Variants in SPATA21 observed in about 807,000 individuals in gnomAD.
SPATA21 encodes spermatogenesis-associated protein 21.
SPATA21 carries 47 observed loss-of-function variants against 54.8 expected under a neutral mutation model. The ratio of observed to expected loss-of-function variants is 0.86; its 90% CI spans 0.68 to 1.09. SPATA21 has a LOEUF of 1.09. Ranked by LOEUF, SPATA21 falls within the 50% of genes least tolerant of loss-of-function variation. The pLI, the probability that SPATA21 is intolerant of heterozygous loss-of-function variation, is 0.00. For synonymous variants in SPATA21, 245 were observed against 235.3 expected (o/e 1.04, Z -0.38); for missense variants, 599 against 596.4 (o/e 1.00, Z -0.05).
chr1:16,426,658 G>A (rs2086333969), intron 3 of SPATA21, among the ~76,000 whole-genome samples: 1 of 143,440 alleles, frequency 7.0e-6, no homozygotes, highest in African/African-American at 2.6e-5. Flanking sequence ...TTGGCTCACT[G>A]CAACCTCTGC....
rs553226509 is a variant in SPATA21 at position 16,429,902 on chromosome 1, C to T, written c.34+1436G>A. ...GAGGCCAGTGGGGCGCAGTGGCTCA[C>T]GCCTGTAATCCTAACATTTTGGGAG... is the stretch of plus-strand genomic sequence containing the variant. On this transcript the variant is annotated intron_variant, in intron 3 of 12. Coordinates refer to ENST00000335496, the MANE Select transcript of SPATA21 (RefSeq NM_198546.1). Among the ~76,000 whole-genome samples, 60 of 151,188 alleles carry T rather than the reference C, an allele frequency of 4.0e-4. 2 individuals are homozygous for T. Among genetic ancestry groups the T allele is most frequent in the Admixed American group, 2.5e-3 (38 of 15,190 alleles).
At chr1:16,405,836 G>A (rs2085623705) in intron 7 of SPATA21, among the ~76,000 whole-genome samples, 1 of 152,208 alleles carries the variant, frequency 6.6e-6, no homozygotes, top group African/African-American at 2.4e-5. Flanking sequence ...AGGTGACCAA[G>A]ATCTAGGGAC....
chr1:16,412,867 G>A (rs903161419), intron 5 of SPATA21, among the ~76,000 whole-genome samples: 2 of 152,054 alleles, frequency 1.3e-5, no homozygotes, highest in African/African-American at 4.8e-5. Flanking sequence ...TTGGCTCACT[G>A]CAACCTCCAG....
intron 1 of SPATA21, among the ~76,000 whole-genome samples, chr1:16,434,014 C>A (rs1307622190): frequency 7.2e-5 from 11 of 152,056 alleles, no homozygotes; most frequent in Admixed American, 7.2e-4. Flanking sequence ...AATCTTCCCA[C>A]CCCAAACCCA....
intron 5 of SPATA21, among the ~76,000 whole-genome samples, chr1:16,413,116 G>T (rs1407466131): frequency 6.6e-6 from 1 of 150,886 alleles, no homozygotes; most frequent in Non-Finnish European, 1.5e-5. Context: ...GTCCTGCTAT[G>T]TTGCCCAGGC....
At chr1:16,417,987 G>A (rs2086062652) in intron 5 of SPATA21, among the ~76,000 whole-genome samples, 1 of 152,194 alleles carries the variant, frequency 6.6e-6, no homozygotes, top group African/African-American at 2.4e-5. Context: ...TCCTCTGAGT[G>A]CCTGCAGGAC....
chr1:16,403,436 G>A (rs917975489), intron 10 of SPATA21, among the ~76,000 whole-genome samples: 4 of 151,580 alleles, frequency 2.6e-5, no homozygotes, highest in African/African-American at 9.7e-5. Context: ...AGTGATTTGA[G>A]CCATACATTC....
chr1:16,419,140 GC>G (rs1481947674), intron 5 of SPATA21, among the ~76,000 whole-genome samples: 12 of 152,214 alleles, frequency 7.9e-5, no homozygotes, highest in African/African-American at 2.9e-4. Context: ...GAGATGGCTG[GC>G]CAGGGAAGGC....
chr1:16,406,605 A>G (rs1341987464), intron 7 of SPATA21, among the ~76,000 whole-genome samples: 1 of 152,084 alleles, frequency 6.6e-6, no homozygotes, highest in Non-Finnish European at 1.5e-5. Context: ...AGCCAGCCAC[A>G]GTGGCACATG....
intron 3 of SPATA21, among the ~76,000 whole-genome samples, chr1:16,430,566 A>G (rs1282203558): frequency 6.6e-6 from 1 of 152,186 alleles, no homozygotes; most frequent in Admixed American, 6.5e-5. Context: ...TCAGGAGAAT[A>G]AAGCTGGGCT....
rs2085427155 is a variant in SPATA21 at position 16,400,902 on chromosome 1, C to T, written c.1002-10G>A. The T allele has an allele frequency of 1.2e-6, 2 of 1,610,006 alleles. No homozygotes were observed. The highest frequency in any genetic ancestry group is 1.3e-5 in the African/African-American group (1 of 74,666). On this transcript the variant is annotated splice_polypyrimidine_tract_variant and intron_variant, in intron 10 of 12. Coordinates refer to ENST00000335496, the MANE Select transcript of SPATA21 (RefSeq NM_198546.1). ...CTTTTTCTGGTAGTAGCTGGGGAGG[C>T]AGTGCCCACCCATCTCAGCCTGGCT...
intron 10 of SPATA21, among the ~76,000 whole-genome samples, chr1:16,402,553 G>C (rs1343213639): frequency 1.3e-5 from 2 of 150,848 alleles, no homozygotes; most frequent in African/African-American, 2.4e-5. Context: ...GAGCCACCAT[G>C]CCTGGCTTTT....
At chr1:16,401,327 C>G (rs2085441066) in intron 10 of SPATA21, among the ~76,000 whole-genome samples, 2 of 152,194 alleles carry the variant, frequency 1.3e-5, no homozygotes, top group African/African-American at 4.8e-5. Context: ...CAGAGTCTCA[C>G]TCTGTTACCC....
intron 12 of SPATA21, among the ~76,000 whole-genome samples, 169 bp downstream of exon 12, chr1:16,399,175 C>T (rs1283404022): frequency 6.6e-6 from 1 of 152,188 alleles, no homozygotes; most frequent in Admixed American, 6.5e-5. Flanking sequence ...GGTACACAGG[C>T]CCTCAACAAA....
intron 11 of SPATA21, 112 bp from the exon 12 acceptor site, chr1:16,399,633 G>C: frequency 8.0e-7 from 1 of 1,256,880 alleles, no homozygotes; most frequent in South Asian, 1.5e-5. Flanking sequence ...GAGTGGTTTG[G>C]GGCAAGTCAC....
In SPATA21 at chr1:16,409,013, C is replaced by A; in HGVS notation, c.673+105G>T. ...CTGCTGGGTCTGCTACACATGGCGGCAGCCATGTGATCTGGAAAGCACCCC... is the reference window on the plus strand; with the variant it reads ...CTGCTGGGTCTGCTACACATGGCGGAAGCCATGTGATCTGGAAAGCACCCC... On this transcript the variant is annotated intron_variant, in intron 7 of 12. Coordinates refer to ENST00000335496, the MANE Select transcript of SPATA21 (RefSeq NM_198546.1). The surrounding 1 kb of genome is among the most constrained non-coding windows in gnomAD (Gnocchi z 4.1). 1 of 1,213,154 alleles carries A rather than the reference C, an allele frequency of 8.2e-7. No homozygotes were observed. The highest frequency in any genetic ancestry group is 1.2e-6 in the Non-Finnish European group (1 of 839,670). 75.1% of individuals were successfully genotyped at this position (1,213,154 alleles called of 1,614,324 possible).
intron 1 of SPATA21, among the ~76,000 whole-genome samples, chr1:16,434,506 C>T (rs1019745219): frequency 5.9e-5 from 9 of 152,010 alleles, no homozygotes; most frequent in African/African-American, 2.2e-4. Flanking sequence ...TTAGGTTGCC[C>T]AGGCTGCTCA....
chr1:16,411,580 G>A (rs1161828724), intron 5 of SPATA21, among the ~76,000 whole-genome samples: 1 of 152,090 alleles, frequency 6.6e-6, no homozygotes, highest in African/African-American at 2.4e-5. Context: ...CACAAGGTCA[G>A]GAGATCGAGA....
intron 2 of SPATA21, 89 bp from the exon 3 acceptor site, chr1:16,431,511 C>G (rs1415741215): frequency 1.2e-5 from 16 of 1,312,434 alleles, no homozygotes; most frequent in Non-Finnish European, 1.7e-5. Flanking sequence ...ATGTAGACAG[C>G]CTGGCTCGAG....
Sources: allele counts gnomAD v4.1 joint callset (sites outside exome capture counted in the v4.1 genomes callset), GRCh38; gene constraint gnomAD v4.1.1; non-coding constraint Gnocchi (gnomAD v3.1); transcripts MANE v1.5; gene names NCBI Gene and HGNC (gene_info 2026-07-23, HGNC 2026-07-21).